FSTL5: variants seen among roughly 807,000 people sequenced by gnomAD.
The protein encoded by FSTL5 is follistatin like 5.
Under a neutral mutation model 89.1 loss-of-function variants are expected in FSTL5, and 62 were observed. That is an observed-to-expected ratio of 0.70 (90% CI 0.57 to 0.86). FSTL5 has a LOEUF of 0.86. Ranked by LOEUF, FSTL5 falls within the 40% of genes least tolerant of loss-of-function variation. The pLI is 0.00. For missense variants in FSTL5, 1,057 were observed against 1,001.6 expected (o/e 1.06, Z -0.75); for synonymous variants, 383 against 346.2 (o/e 1.11, Z -1.18).
intron 3 of FSTL5, among the ~76,000 whole-genome samples, chr4:161,965,999 AT>A (rs1193307215): frequency 5.9e-5 from 9 of 152,124 alleles, no homozygotes; most frequent in African/African-American, 1.7e-4. Flanking sequence ...ACATCATAGT[AT>A]GTATGAATAT....
At chr4:161,860,639 T>C (rs1307441856) in intron 4 of FSTL5, among the ~76,000 whole-genome samples, 2 of 152,194 alleles carry the variant, frequency 1.3e-5, no homozygotes, top group Admixed American at 6.5e-5. Flanking sequence ...ATGTAAAAAT[T>C]AATCTAACCA....
At chr4:161,995,314 T>C (rs75567244) in intron 3 of FSTL5, among the ~76,000 whole-genome samples, 8,467 of 152,276 alleles carry the variant, frequency 0.056, 267 homozygotes, top group Non-Finnish European at 0.077. Context: ...GAAATTATAC[T>C]TTTTTACAAA....
intron 1 of FSTL5, among the ~76,000 whole-genome samples, chr4:162,129,889 C>A (rs1184977276): frequency 1.3e-5 from 2 of 152,136 alleles, no homozygotes; most frequent in African/African-American, 2.4e-5. Context: ...GGCATCATTT[C>A]TTTGAGATTT....
chr4:161,538,729 AAT>A (rs1378083211), intron 9 of FSTL5, among the ~76,000 whole-genome samples: 3 of 152,068 alleles, frequency 2.0e-5, no homozygotes, highest in Non-Finnish European at 4.4e-5. Context: ...AATTGAGCTA[AAT>A]CATGCAGGTA....
chr4:161,877,140 C>T (rs1224102556), intron 4 of FSTL5, among the ~76,000 whole-genome samples: 2 of 148,978 alleles, frequency 1.3e-5, no homozygotes, highest in African/African-American at 2.5e-5. Context: ...GCCGAGATCG[C>T]GCCCTTGCAC....
chr4:161,975,321 T>C (rs1006977254), intron 3 of FSTL5, among the ~76,000 whole-genome samples: 20 of 152,044 alleles, frequency 1.3e-4, no homozygotes, highest in African/African-American at 4.8e-4. Context: ...TATTGCGGCA[T>C]TATTCACAAT....
intron 1 of FSTL5, among the ~76,000 whole-genome samples, chr4:162,135,323 T>C (rs755281986): frequency 4.6e-5 from 7 of 152,038 alleles, no homozygotes; most frequent in Non-Finnish European, 8.8e-5. Context: ...TCTTTTGTTA[T>C]AATAAATTAT....
At chr4:162,120,107 C>G (rs1244660388) in intron 1 of FSTL5, among the ~76,000 whole-genome samples, 1 of 152,020 alleles carries the variant, frequency 6.6e-6, no homozygotes, top group African/African-American at 2.4e-5. Context: ...AACAAACTTT[C>G]CAAATTGTAA....
Position 161,861,191 on chromosome 4 carries a change from G to A in FSTL5, c.409+59213C>T, listed in dbSNP as rs536635356. 1.2e-4 allele frequency among the ~76,000 whole-genome samples: 18 copies of A among 152,288 alleles called. 1 individual carries two copies. The South Asian group carries it at 3.5e-3, about 30-fold the overall frequency. On this transcript the variant is annotated intron_variant, in intron 4 of 15. Transcript: ENST00000306100. Reference sequence around the variant, plus strand: ...TAATCCCAGCACTTTGGGAGGCTGAGGCGAGTGGATCACCTGAGGTCAGGA... The same window carrying A: ...TAATCCCAGCACTTTGGGAGGCTGAAGCGAGTGGATCACCTGAGGTCAGGA...
rs1730629350 is a variant in FSTL5 at position 161,386,164 on chromosome 4, A to G, written c.2127T>C (p.Ile709=). The G allele has an allele frequency of 1.9e-6, 3 of 1,614,056 alleles. No individual in the cohort carries two copies. The East Asian group carries it at 6.7e-5, about 36-fold the overall frequency. The part of the protein sequence containing the change: ...VSPDGHYLVS[I]NDVKGLVRVQ... ...CCCTTACAAGACCTTTCACATCATTAATGCTGACAAGGTAGTGGCCATCTG... is the reference window on the plus strand; with the variant it reads ...CCCTTACAAGACCTTTCACATCATTGATGCTGACAAGGTAGTGGCCATCTG... Residue 709 remains isoleucine, a synonymous_variant, in exon 16 of 16, where the codon ATT becomes ATC. Transcript: ENST00000306100.
At chr4:161,663,087 C>T (rs13127726) in intron 6 of FSTL5, among the ~76,000 whole-genome samples, 30,403 of 152,010 alleles carry the variant, frequency 0.2, 3,217 homozygotes, top group Middle Eastern at 0.34. Context: ...GTTACCTTCC[C>T]CTGGGTCCCT....
intron 6 of FSTL5, among the ~76,000 whole-genome samples, chr4:161,743,000 C>G (rs1028630851): frequency 6.6e-6 from 1 of 151,916 alleles, no homozygotes; most frequent in Non-Finnish European, 1.5e-5. Context: ...AGTTTCCTAC[C>G]ATTCCTTGGG....
At chr4:161,606,284 G>T (rs1227703195) in intron 7 of FSTL5, among the ~76,000 whole-genome samples, 2 of 136,388 alleles carry the variant, frequency 1.5e-5, no homozygotes, top group East Asian at 2.1e-4. Flanking sequence ...TCACGCTGAC[G>T]CCAGGCTGGA....
chr4:162,019,736 T>TTCTC (rs923776985), intron 3 of FSTL5, among the ~76,000 whole-genome samples: 4 of 147,548 alleles, frequency 2.7e-5, no homozygotes, highest in South Asian at 2.1e-4. Context: ...AATAAACTGG[T>TTCTC]TCTCTCTCTC....
At chr4:161,893,024 T>C (rs1173933430) in intron 4 of FSTL5, among the ~76,000 whole-genome samples, 1 of 152,148 alleles carries the variant, frequency 6.6e-6, no homozygotes, top group Non-Finnish European at 1.5e-5. Flanking sequence ...AGAGCTAAAA[T>C]TTCTGTTTTA....
At chr4:161,573,148 G>A (rs1051649093) in intron 8 of FSTL5, among the ~76,000 whole-genome samples, 45 of 152,108 alleles carry the variant, frequency 3.0e-4, no homozygotes, top group African/African-American at 1.1e-3. Flanking sequence ...GGTGGCCCAC[G>A]CCTGTAGTCC....
At chr4:161,864,312 C>T (rs1261810557) in intron 4 of FSTL5, among the ~76,000 whole-genome samples, 4 of 152,220 alleles carry the variant, frequency 2.6e-5, no homozygotes, top group Non-Finnish European at 5.9e-5. Context: ...GGGCTTGAAT[C>T]GCATCCCTGA....
In FSTL5 at chr4:161,784,895, A is replaced by AAAAAAAAAAACAAAACAAAAC. The variant is rs1553965825; in HGVS notation, c.410-8822_410-8821insGTTTTGTTTTGTTTTTTTTTT. Among the ~76,000 whole-genome samples, 665 of 142,016 alleles carry AAAAAAAAAAACAAAACAAAAC rather than the reference A, an allele frequency of 4.7e-3. 50 individuals are homozygous for AAAAAAAAAAACAAAACAAAAC. Among genetic ancestry groups the AAAAAAAAAAACAAAACAAAAC allele is most frequent in the African/African-American group, 0.017 (632 of 37,740 alleles). 93.2% of individuals were successfully genotyped at this position (142,016 alleles called of 152,430 possible). A position where few individuals can be genotyped will look rare whatever the true frequency, so the allele number is the denominator to read the frequency against. On this transcript the variant is annotated intron_variant, in intron 4 of 15. Coordinates refer to ENST00000306100, the MANE Select transcript of FSTL5 (RefSeq NM_020116.5). Reference sequence around the variant, plus strand: ...GCGACAGAGCAAGACTCCGTCTCAAAAAAAACAAAAACAAACAAACAAAAA... The same window carrying AAAAAAAAAAACAAAACAAAAC: ...GCGACAGAGCAAGACTCCGTCTCAAAAAAAAAAAAACAAAACAAAACAAAAACAAAAACAAACAAACAAAAA...
At chr4:161,827,042 G>C (rs1389158716) in intron 4 of FSTL5, among the ~76,000 whole-genome samples, 1 of 152,256 alleles carries the variant, frequency 6.6e-6, no homozygotes, top group South Asian at 2.1e-4. Context: ...TGTTTCAAGA[G>C]TTAGAGCTCC....
Sources: allele counts gnomAD v4.1 joint callset (sites outside exome capture counted in the v4.1 genomes callset), GRCh38; gene constraint gnomAD v4.1.1; transcripts MANE v1.5; gene names NCBI Gene and HGNC (gene_info 2026-07-23, HGNC 2026-07-21).